Variants in FBH1 observed in about 807,000 individuals in gnomAD.
The protein encoded by FBH1 is F-box DNA helicase 1.
FBH1 carries 43 observed loss-of-function variants against 115.5 expected under a neutral mutation model. The ratio of observed to expected loss-of-function variants is 0.37; its 90% confidence interval spans 0.29 to 0.48. The LOEUF (loss-of-function observed/expected upper bound fraction) is 0.48, where lower values mean the gene tolerates loss of function less well. Ranked by LOEUF, FBH1 falls within the 20% of genes least tolerant of loss-of-function variation. The pLI, the probability that FBH1 is intolerant of heterozygous loss-of-function variation, is 0.99. For synonymous variants in FBH1, 524 were observed against 507.8 expected, an observed-to-expected ratio of 1.03 and a Z score of -0.43; for missense variants, 1,001 against 1,337.3, an observed-to-expected ratio of 0.75 and a Z score of 3.92.
chr10:5,912,231 G>C (rs1358598273), intron 6 of FBH1, among the ~76,000 whole-genome samples: 1 of 152,008 alleles, frequency 6.6e-6, no homozygotes, highest in East Asian at 1.9e-4. Flanking sequence ...ATTTCTGGTG[G>C]TGCGTGTCTC....
At chr10:5,889,606 G>A (rs1842562696), upstream of FBH1, 1 of 225,050 alleles carries the variant, frequency 4.4e-6, no homozygotes, top group Non-Finnish European at 8.5e-6. Flanking sequence ...GAGAAGCCGC[G>A]GTTCCGGGCA....
At position 5,910,863 on chromosome 10, in the gene FBH1, G is replaced by A; in HGVS notation, c.1021-75G>A. 7.4e-7 allele frequency: 1 copy of A among 1,360,244 alleles called. No individual in the cohort carries two copies. Among genetic ancestry groups the A allele is most frequent in the Non-Finnish European group, 1.0e-6 (1 of 1,000,944 alleles). 84.3% of individuals were successfully genotyped at this position (1,360,244 alleles called of 1,614,324 possible). ...GCTGGACCCGTGGCTCGGCTTTCCT[G>A]ACTCCTTCCTGCTGTGATTCGTATT... is the stretch of plus-strand genomic sequence containing the variant. On this transcript the variant is annotated intron_variant, in intron 5 of 20. Coordinates refer to ENST00000362091, the MANE Select transcript of FBH1 (RefSeq NM_178150.3). This position sits in a 1 kb window ranked among gnomAD's most constrained non-coding sequence, Gnocchi z 4.8.
In FBH1 at chr10:5,917,252, G is replaced by T; in HGVS notation, c.1789-168G>T. On this transcript the variant is annotated intron_variant, in intron 10 of 20. Coordinates refer to ENST00000362091, the MANE Select transcript of FBH1 (RefSeq NM_178150.3). The surrounding 1 kb of genome is among the most constrained non-coding windows in gnomAD (Gnocchi z 5.6). Reference sequence around the variant, plus strand: ...CTGTCTCAGCACTGGAGACCCTCTGGCGTGGAGAGGCTGTTGAGGAGACCC... The same window carrying T: ...CTGTCTCAGCACTGGAGACCCTCTGTCGTGGAGAGGCTGTTGAGGAGACCC... 1 of 622,164 alleles carries T rather than the reference G, an allele frequency of 1.6e-6. No individual in the cohort carries two copies. The allele number at this position is 622,164 out of a possible 1,614,324, so 38.5% of individuals were successfully genotyped here.
In FBH1 at chr10:5,916,310, G is replaced by C. The variant is rs751764838; in HGVS notation, c.1642G>C (p.Gly548Arg). 1 of 1,614,212 alleles carries C rather than the reference G, an allele frequency of 6.2e-7. No homozygotes were observed. The highest frequency in any genetic ancestry group is 2.2e-5 in the East Asian group (1 of 44,888). ...MVNSVLAEGK[G>R]GFIRAKLVCK... ...CAACTCCGTCCTTGCTGAAGGGAAG[G>C]GTGGATTCATAAGAGCCAAGCTTGT... The change falls in exon 10 of 21, where the codon GGT (glycine) becomes CGT (arginine). Residue 548 changes from glycine to arginine, a missense_variant. Around this residue, in one of 4 missense-constraint regions of FBH1, gnomAD observed 521 missense variants for 811.0 expected, o/e 0.64. Coordinates refer to ENST00000362091, the MANE Select transcript of FBH1 (RefSeq NM_178150.3).
chr10:5,925,370 A>G lies in FBH1; in HGVS notation c.2600A>G (p.Tyr867Cys). 1 of 1,613,990 alleles carries G rather than the reference A, an allele frequency of 6.2e-7. No individual in the cohort carries two copies. Among genetic ancestry groups the G allele is most frequent in the South Asian group, 1.1e-5 (1 of 91,054 alleles). ...CHIEDLDFAEYILGTVHKAKG... is the reference protein window; with the variant it reads ...CHIEDLDFAECILGTVHKAKG... The stretch of plus-strand genomic sequence containing the variant: ...GTGTGCTGTGTTTTTATCCTAGAGT[A>G]CATTCTGGGCACTGTGCACAAAGCC... The change falls in exon 18 of 21, where the codon TAC becomes TGC. Residue 867 changes from tyrosine (Y) to cysteine (C), a missense_variant. Coordinates refer to ENST00000362091, the MANE Select transcript of FBH1 (RefSeq NM_178150.3). This position sits in a 1 kb window ranked among gnomAD's most constrained non-coding sequence, Gnocchi z 4.6.
Position 5,915,361 on chromosome 10 carries a change from G to T in FBH1, c.1397-42G>T, listed in dbSNP as rs546383784. 1 of 1,607,312 alleles carries T rather than the reference G, an allele frequency of 6.2e-7. No individual in the cohort carries two copies. Among genetic ancestry groups the T allele is most frequent in the South Asian group, 1.1e-5 (1 of 90,092 alleles). ...GATTGGGGATCCCTGGGCATGTCTT[G>T]TCTGGTCAGAGGGTCACCTCCTTTC... On this transcript the variant is annotated intron_variant, in intron 8 of 20. Coordinates refer to ENST00000362091, the MANE Select transcript of FBH1 (RefSeq NM_178150.3). This position sits in a 1 kb window ranked among gnomAD's most constrained non-coding sequence, Gnocchi z 5.2.
Position 5,923,645 on chromosome 10 carries a change from A to G in FBH1, c.2347A>G (p.Arg783Gly). 6.2e-7 allele frequency: 1 copy of G among 1,614,216 alleles called. No homozygotes were observed. The highest frequency in any genetic ancestry group is 1.1e-5 in the South Asian group (1 of 91,082). Residue 783 changes from arginine (R) to glycine (G), a missense_variant, in exon 16 of 21, where the codon AGA becomes GGA. Physicochemically the swap from Arg to Gly is moderately radical, Grantham distance 125. Around this residue, in one of 4 missense-constraint regions of FBH1, gnomAD observed 521 missense variants for 811.0 expected, o/e 0.64. Coordinates refer to ENST00000362091, the MANE Select transcript of FBH1 (RefSeq NM_178150.3). This position sits in a 1 kb window ranked among gnomAD's most constrained non-coding sequence, Gnocchi z 5.7. ...GGGGATTAAATCATTTGGATTGGAC[A>G]GAATCATTGATATTTGGATCCTTCT... ...IGGIKSFGLD[R>G]IIDIWILLQP...
In FBH1 at chr10:5,924,114, G is replaced by A. The variant is rs1827083365; in HGVS notation, c.2399-197G>A. 4 of 602,536 alleles carry A rather than the reference G, an allele frequency of 6.6e-6. No homozygotes were observed. The highest frequency in any genetic ancestry group is 2.0e-5 in the South Asian group (1 of 49,088). 37.3% of individuals were successfully genotyped at this position (602,536 alleles called of 1,614,324 possible). ...GAGCCGAGGGCTTTGCTCCTCAGTCGGAGACGGAGAGGCTACTGCACTGCA... is the reference window on the plus strand; with the variant it reads ...GAGCCGAGGGCTTTGCTCCTCAGTCAGAGACGGAGAGGCTACTGCACTGCA... On this transcript the variant is annotated intron_variant, in intron 16 of 20. Coordinates refer to ENST00000362091, the MANE Select transcript of FBH1 (RefSeq NM_178150.3). This position sits in a 1 kb window ranked among gnomAD's most constrained non-coding sequence, Gnocchi z 6.2.
intron 13 of FBH1, among the ~76,000 whole-genome samples, chr10:5,920,244 T>C (rs1321383281): frequency 2.6e-5 from 4 of 152,366 alleles, no homozygotes; most frequent in African/African-American, 9.6e-5. Flanking sequence ...TCCTGGGTTC[T>C]GGGAGGAAGA....
At chr10:5,902,878 A>T (rs1359738552) in intron 1 of FBH1, 142 bp from the exon 2 acceptor site, 3 of 608,568 alleles carry the variant, frequency 4.9e-6, no homozygotes, top group Non-Finnish European at 7.8e-6. Context: ...GTTGGGGGGC[A>T]AGGGGAGGGG....
intron 3 of FBH1, among the ~76,000 whole-genome samples, chr10:5,908,076 C>G (rs1008680344): frequency 6.6e-6 from 1 of 152,190 alleles, no homozygotes; most frequent in Non-Finnish European, 1.5e-5. Context: ...TATCTTCTGT[C>G]TGGTTGTTCC....
At position 5,895,681 on chromosome 10, in the gene FBH1, G is replaced by A. The variant is rs1242871252; in HGVS notation, c.1+5335G>A. ...GTGTGTGTAGGTGTGGGGAGGGAGG[G>A]TTCTTTTTAAAGCAGTAGTCCGAGG... On this transcript the variant is annotated intron_variant, in intron 1 of 20. Transcript: ENST00000362091. The surrounding 1 kb of genome is among the most constrained non-coding windows in gnomAD (Gnocchi z 5.0). 6.6e-6 allele frequency among the ~76,000 whole-genome samples: 1 copy of A among 152,128 alleles called. No individual in the cohort carries two copies. The highest frequency in any genetic ancestry group is 2.4e-5 in the African/African-American group (1 of 41,424).
intron 19 of FBH1, among the ~76,000 whole-genome samples, chr10:5,930,058 T>C (rs1326691221): frequency 2.0e-5 from 3 of 152,088 alleles, no homozygotes; most frequent in Non-Finnish European, 4.4e-5. Context: ...TTGTTTTTGC[T>C]TATGAAAATT....
At chr10:5,894,396 G>A (rs1459449169) in intron 1 of FBH1, 1 of 1,594,794 alleles carries the variant, frequency 6.3e-7, no homozygotes, top group African/African-American at 1.3e-5. Flanking sequence ...CTGCTTTCAA[G>A]GTGTCTAGAT....
rs1832070885 is a variant in FBH1, at chr10:5,917,917, C to T, written c.1963+241C>T. 1.3e-5 allele frequency among the ~76,000 whole-genome samples: 2 copies of T among 152,182 alleles called. No individual in the cohort carries two copies. Among genetic ancestry groups the T allele is most frequent in the Admixed American group, 6.5e-5 (1 of 15,280 alleles). On this transcript the variant is annotated intron_variant, in intron 12 of 20. Transcript: ENST00000362091. The surrounding 1 kb of genome is among the most constrained non-coding windows in gnomAD (Gnocchi z 5.6). ...GACCAAGTTGTAGACCAGCAGACGA[C>T]AGGGACCTAGACTCATGCTCTGTGG... is the stretch of plus-strand genomic sequence containing the variant.
chr10:5,919,435 G>A (rs1037398766), intron 13 of FBH1, among the ~76,000 whole-genome samples: 3 of 152,106 alleles, frequency 2.0e-5, no homozygotes, highest in African/African-American at 7.2e-5. Flanking sequence ...GCAGTGAGCC[G>A]AGGTCGCACC....
Position 5,909,280 on chromosome 10 carries a change from T to C in FBH1, c.1006T>C (p.Tyr336His). ...TGTGCGGCAACACCTCCCCGACCTC[T>C]ACGCTGCTGCCGGGGTAGGTCTGGA... is the stretch of plus-strand genomic sequence containing the variant. ...ACVRQHLPDL[Y>H]AAAGGVNIWA... The change falls in exon 5 of 21, where the codon TAC becomes CAC. Residue 336 changes from tyrosine to histidine, a missense_variant. Around this residue, in one of 4 missense-constraint regions of FBH1, gnomAD observed 420 missense variants for 430.4 expected, o/e 0.98. Coordinates refer to ENST00000362091, the MANE Select transcript of FBH1 (RefSeq NM_178150.3). This position sits in a 1 kb window ranked among gnomAD's most constrained non-coding sequence, Gnocchi z 4.4. 1.2e-6 allele frequency: 2 copies of C among 1,610,460 alleles called. No homozygotes were observed. Among genetic ancestry groups the C allele is most frequent in the Non-Finnish European group, 1.7e-6 (2 of 1,179,948 alleles).
chr10:5,937,194 T>A lies in FBH1; in HGVS notation c.3046T>A (p.Ser1016Thr), dbSNP rs1429261270. The A allele has an allele frequency of 3.7e-6, 6 of 1,613,998 alleles. No homozygotes were observed. The South Asian group carries it at 6.6e-5, about 18-fold the overall frequency. The part of the protein sequence containing the change: ...RIGPLAFLTA[S>T]PEQVRAMERT... ...CGGGCCCCTGGCGTTCCTGACAGCCTCCCCGGAGCAGGTGCGCGCCATGGA... is the reference window on the plus strand; with the variant it reads ...CGGGCCCCTGGCGTTCCTGACAGCCACCCCGGAGCAGGTGCGCGCCATGGA... The change falls in exon 21 of 21, where the codon TCC becomes ACC. Residue 1016 changes from serine to threonine, a missense_variant. This residue lies in a region of FBH1 where 521 missense variants were observed against 811.0 expected (regional missense o/e 0.64). Coordinates refer to ENST00000362091, the MANE Select transcript of FBH1 (RefSeq NM_178150.3).
chr10:5,923,039 C>T lies in FBH1; in HGVS notation c.2323-582C>T, dbSNP rs768829376. 1.3e-5 allele frequency among the ~76,000 whole-genome samples: 2 copies of T among 152,128 alleles called. No homozygotes were observed. Among genetic ancestry groups the T allele is most frequent in the African/African-American group, 2.4e-5 (1 of 41,386 alleles). On this transcript the variant is annotated intron_variant, in intron 15 of 20. Coordinates refer to ENST00000362091, the MANE Select transcript of FBH1 (RefSeq NM_178150.3). The surrounding 1 kb of genome is among the most constrained non-coding windows in gnomAD (Gnocchi z 5.7). ...CTGGGACCATAGGCGCCTGCCACCACACCCGGCTAATTTTTGTATTTTTGG... is the reference window on the plus strand; with the variant it reads ...CTGGGACCATAGGCGCCTGCCACCATACCCGGCTAATTTTTGTATTTTTGG...
Sources: allele counts gnomAD v4.1 joint callset (sites outside exome capture counted in the v4.1 genomes callset), GRCh38; gene constraint gnomAD v4.1.1; regional missense constraint gnomAD v4.1.1; non-coding constraint Gnocchi (gnomAD v3.1); transcripts MANE v1.5; gene names NCBI Gene and HGNC (gene_info 2026-07-23, HGNC 2026-07-21).